MALRD1: variants seen among roughly 807,000 people sequenced by gnomAD.
The protein encoded by MALRD1 is MAM and LDL receptor class A domain containing 1.
MALRD1 carries 247 observed loss-of-function variants against 242.1 expected under a neutral mutation model. The observed-to-expected ratio is 1.02, with a 90% CI of 0.92 to 1.13. The LOEUF (loss-of-function observed/expected upper bound fraction) is 1.13, where lower values mean the gene tolerates loss of function less well. MALRD1 is among the 50% of genes most tolerant of loss of function. The pLI is 0.00. For missense variants in MALRD1, 2,989 were observed against 2,533.1 expected (o/e 1.18, Z -3.86); for synonymous variants, 995 against 866.6 (o/e 1.15, Z -2.60).
intron 19 of MALRD1, among the ~76,000 whole-genome samples, chr10:19,265,518 T>C (rs2131831350): frequency 6.6e-6 from 1 of 152,244 alleles, no homozygotes; most frequent in East Asian, 1.9e-4. Context: ...AATTGCCATG[T>C]TTGTGAATTT....
intron 21 of MALRD1, among the ~76,000 whole-genome samples, chr10:19,290,828 A>G (rs1382764680): frequency 6.6e-6 from 1 of 152,160 alleles, no homozygotes; most frequent in African/African-American, 2.4e-5. Context: ...AAATATACTT[A>G]GAATACTGTA....
intron 28 of MALRD1, among the ~76,000 whole-genome samples, chr10:19,422,544 G>T (rs556320203): frequency 6.6e-6 from 1 of 152,116 alleles, no homozygotes; most frequent in East Asian, 1.9e-4. Context: ...AGTAGTAATC[G>T]CTTTCTGGCC....
chr10:19,459,055 G>A (rs1443523719), intron 29 of MALRD1, among the ~76,000 whole-genome samples: 1 of 152,016 alleles, frequency 6.6e-6, no homozygotes, highest in Non-Finnish European at 1.5e-5. Context: ...GAGTTTTCCA[G>A]TTTCTCTACC....
chr10:19,635,718 A>C (rs1840099080), intron 36 of MALRD1, among the ~76,000 whole-genome samples: 1 of 152,168 alleles, frequency 6.6e-6, no homozygotes, highest in African/African-American at 2.4e-5. Flanking sequence ...ATATCTGAGA[A>C]TATTTCATAT....
chr10:19,408,523 C>G (rs1459809627), intron 28 of MALRD1, among the ~76,000 whole-genome samples: 2 of 151,916 alleles, frequency 1.3e-5, no homozygotes, highest in African/African-American at 4.8e-5. Flanking sequence ...ATTAAATAAT[C>G]GGTGATATAT....
Position 19,543,125 on chromosome 10 carries a change from A to G in MALRD1, c.5478+11774A>G, listed in dbSNP as rs987368198. On this transcript the variant is annotated intron_variant, in intron 32 of 39. Transcript: ENST00000454679. ...AGGGAGACATTAAACTGAGACAGCA[A>G]TCACACCCTACTCCCCTGGATTTTT... 5.3e-5 allele frequency among the ~76,000 whole-genome samples: 8 copies of G among 152,272 alleles called. No individual in the cohort carries two copies. In the East Asian group the frequency reaches 5.8e-4, roughly 11 times the overall value.
intron 5 of MALRD1, among the ~76,000 whole-genome samples, chr10:19,112,494 T>A (rs1836712482): frequency 6.6e-6 from 1 of 152,110 alleles, no homozygotes; most frequent in African/African-American, 2.4e-5. Context: ...ATGGAAAAGG[T>A]TCATCACCCC....
At chr10:19,112,492 G>A (rs1836712271) in intron 5 of MALRD1, among the ~76,000 whole-genome samples, 1 of 152,058 alleles carries the variant, frequency 6.6e-6, no homozygotes, top group African/African-American at 2.4e-5. Flanking sequence ...TTATGGAAAA[G>A]GTTCATCACC....
chr10:19,204,848 GTA>G, intron 16 of MALRD1, 48 bp from the exon 17 acceptor site: 7 of 1,463,860 alleles, frequency 4.8e-6, no homozygotes, highest in Non-Finnish European at 6.4e-6. Context: ...GGTTAAATAT[GTA>G]GTCTATTCTA....
At chr10:19,443,599 A>G (rs1264028616) in intron 28 of MALRD1, among the ~76,000 whole-genome samples, 1 of 152,194 alleles carries the variant, frequency 6.6e-6, no homozygotes, top group African/African-American at 2.4e-5. Context: ...ATTCAGGAGC[A>G]GGTTGTTCAG....
At chr10:19,452,853 C>A (rs1045009573) in intron 29 of MALRD1, among the ~76,000 whole-genome samples, 1 of 152,210 alleles carries the variant, frequency 6.6e-6, no homozygotes, top group South Asian at 2.1e-4. Context: ...GAACAAGGAG[C>A]CTTGAGTCAA....
chr10:19,498,472 T>C lies in MALRD1; in HGVS notation c.5159-13T>C. 6.5e-7 allele frequency: 1 copy of C among 1,536,502 alleles called. No homozygotes were observed. Among genetic ancestry groups the C allele is most frequent in the Non-Finnish European group, 8.8e-7 (1 of 1,138,262 alleles). Reference sequence around the variant, plus strand: ...CATTTCCAGAAATTCCATTAATGTTTTTGCTTCCCCAGCACATTATACAAG... The same window carrying C: ...CATTTCCAGAAATTCCATTAATGTTCTTGCTTCCCCAGCACATTATACAAG... On this transcript the variant is annotated splice_polypyrimidine_tract_variant and intron_variant, in intron 30 of 39. Transcript: ENST00000454679.
intron 28 of MALRD1, among the ~76,000 whole-genome samples, chr10:19,432,457 T>G (rs1483282935): frequency 6.6e-6 from 1 of 152,214 alleles, no homozygotes; most frequent in East Asian, 1.9e-4. Flanking sequence ...GAGTCAACTT[T>G]TAGCCAGTGG....
At chr10:19,163,494 T>G (rs1834532875) in intron 12 of MALRD1, among the ~76,000 whole-genome samples, 1 of 139,856 alleles carries the variant, frequency 7.2e-6, no homozygotes, top group African/African-American at 2.7e-5. Context: ...GACACGGGGG[T>G]CTACTTTAGG....
rs191114745 is a variant in MALRD1 at position 19,168,779 on chromosome 10, G to A, written c.1830+2969G>A. On this transcript the variant is annotated intron_variant, in intron 13 of 39. Coordinates refer to ENST00000454679, the MANE Select transcript of MALRD1 (RefSeq NM_001142308.3). ...TCCCTCTCCCTTCATCCCCCTGCTG[G>A]TGGCTCAGCACCTTGTGTTGCTTTT... Among the ~76,000 whole-genome samples the A allele has an allele frequency of 2.4e-3, 372 of 152,158 alleles. 8 individuals are homozygous for A. Among genetic ancestry groups the A allele is most frequent in the Non-Finnish European group, 1.7e-3 (113 of 68,016 alleles).
At chr10:19,076,002 A>G (rs2131267726) in intron 2 of MALRD1, among the ~76,000 whole-genome samples, 1 of 152,128 alleles carries the variant, frequency 6.6e-6, no homozygotes, top group Non-Finnish European at 1.5e-5. Flanking sequence ...TCGTCTGGAG[A>G]CCTGGATTCC....
At chr10:19,509,329 C>T (rs1312300543) in intron 31 of MALRD1, among the ~76,000 whole-genome samples, 3 of 152,102 alleles carry the variant, frequency 2.0e-5, no homozygotes, top group Non-Finnish European at 4.4e-5. Context: ...AGGCATCTGC[C>T]TCATTTGGGT....
At chr10:19,630,444 C>T (rs1341789822) in intron 36 of MALRD1, among the ~76,000 whole-genome samples, 1 of 151,924 alleles carries the variant, frequency 6.6e-6, no homozygotes, top group Non-Finnish European at 1.5e-5. Flanking sequence ...AGGGGGAATT[C>T]TAAGTTTGGA....
intron 31 of MALRD1, among the ~76,000 whole-genome samples, chr10:19,528,528 G>T (rs1834198840): frequency 6.6e-6 from 1 of 152,142 alleles, no homozygotes; most frequent in African/African-American, 2.4e-5. Flanking sequence ...GGGAGGCAGA[G>T]GTTGCAGTGA....
Sources: allele counts gnomAD v4.1 joint callset (sites outside exome capture counted in the v4.1 genomes callset), GRCh38; gene constraint gnomAD v4.1.1; transcripts MANE v1.5; gene names NCBI Gene and HGNC (gene_info 2026-07-23, HGNC 2026-07-21).